DPYD: variants seen among roughly 807,000 people sequenced by gnomAD.
The protein encoded by DPYD is dihydropyrimidine dehydrogenase.
DPYD carries 109 observed loss-of-function variants against 116.2 expected under a neutral mutation model. That is an observed-to-expected ratio of 0.94 (90% CI 0.80 to 1.10). The LOEUF (loss-of-function observed/expected upper bound fraction) is 1.10, where lower values mean the gene tolerates loss of function less well. Ranked by LOEUF, DPYD falls within the 50% of genes least tolerant of loss-of-function variation. The pLI, the probability that DPYD is intolerant of heterozygous loss-of-function variation, is 0.00. For synonymous variants in DPYD, 440 were observed against 432.0 expected, an observed-to-expected ratio of 1.02 and a Z score of -0.23; for missense variants, 1,302 against 1,254.5, an observed-to-expected ratio of 1.04 and a Z score of -0.57.
At chr1:97,769,822 A>C (rs1258859690) in intron 3 of DPYD, among the ~76,000 whole-genome samples, 1 of 152,192 alleles carries the variant, frequency 6.6e-6, no homozygotes, top group South Asian at 2.1e-4. Context: ...TCCACTTCGG[A>C]AGTACCATTT....
At chr1:97,283,375 A>G (rs549407155) in intron 18 of DPYD, among the ~76,000 whole-genome samples, 3 of 152,140 alleles carry the variant, frequency 2.0e-5, no homozygotes, top group African/African-American at 4.8e-5. Flanking sequence ...TAGTTATTAT[A>G]ATTTTGAAAT....
intron 5 of DPYD, among the ~76,000 whole-genome samples, chr1:97,721,213 C>G (rs1408568869): frequency 1.3e-5 from 2 of 151,754 alleles, no homozygotes; most frequent in Non-Finnish European, 3.0e-5. Context: ...CCTTGCCATA[C>G]TTCCACATAA....
intron 19 of DPYD, among the ~76,000 whole-genome samples, chr1:97,231,703 C>G (rs1661598763): frequency 6.6e-6 from 1 of 152,252 alleles, no homozygotes; most frequent in South Asian, 2.1e-4. Flanking sequence ...CTTTTATCCT[C>G]CAAGCCTTAG....
At chr1:97,319,564 A>G (rs2101095273) in intron 16 of DPYD, among the ~76,000 whole-genome samples, 1 of 139,630 alleles carries the variant, frequency 7.2e-6, no homozygotes. Context: ...GACCAATAAC[A>G]GGCTCTGAAA....
At chr1:97,684,172 G>A (rs1660582337) in intron 7 of DPYD, among the ~76,000 whole-genome samples, 1 of 152,122 alleles carries the variant, frequency 6.6e-6, no homozygotes, top group Non-Finnish European at 1.5e-5. Flanking sequence ...GTGGCATTTA[G>A]CGCTGTAAAT....
chr1:97,149,965 G>A (rs1171882012), intron 20 of DPYD, among the ~76,000 whole-genome samples: 3 of 152,102 alleles, frequency 2.0e-5, no homozygotes, highest in Non-Finnish European at 4.4e-5. Flanking sequence ...CTTTGTCATG[G>A]TCAACGAGCC....
intron 13 of DPYD, among the ~76,000 whole-genome samples, chr1:97,459,416 C>A (rs912301305): frequency 1.3e-5 from 2 of 151,972 alleles, no homozygotes; most frequent in Non-Finnish European, 2.9e-5. Flanking sequence ...ATGAAGGACA[C>A]CAATTCTTAG....
intron 20 of DPYD, among the ~76,000 whole-genome samples, chr1:97,150,844 C>T (rs1041884969): frequency 2.0e-5 from 3 of 152,142 alleles, no homozygotes; most frequent in African/African-American, 7.2e-5. Context: ...AGAAACTACA[C>T]ACAAATAGAA....
chr1:97,458,376 T>C (rs1676818019), intron 13 of DPYD, among the ~76,000 whole-genome samples: 1 of 152,088 alleles, frequency 6.6e-6, no homozygotes, highest in Non-Finnish European at 1.5e-5. Flanking sequence ...CCTTGCAATA[T>C]AACACATATA....
chr1:97,622,387 A>C (rs1656681224), intron 8 of DPYD, among the ~76,000 whole-genome samples: 1 of 151,978 alleles, frequency 6.6e-6, no homozygotes, highest in Non-Finnish European at 1.5e-5. Flanking sequence ...GGAACATTCT[A>C]AAAAAATACT....
intron 20 of DPYD, among the ~76,000 whole-genome samples, chr1:97,119,439 G>A (rs759425656): frequency 3.3e-5 from 5 of 152,136 alleles, no homozygotes; most frequent in Non-Finnish European, 7.4e-5. Flanking sequence ...TGTGTGTGGT[G>A]GAGCAGGTGA....
intron 2 of DPYD, among the ~76,000 whole-genome samples, chr1:97,839,777 TCAC>T (rs1394183587): frequency 6.6e-6 from 1 of 152,130 alleles, no homozygotes; most frequent in Non-Finnish European, 1.5e-5. Flanking sequence ...ACTAGACAAT[TCAC>T]CACAAGTTTG....
intron 2 of DPYD, among the ~76,000 whole-genome samples, chr1:97,849,826 C>T (rs913608181): frequency 2.6e-5 from 4 of 152,054 alleles, no homozygotes; most frequent in Admixed American, 2.6e-4. Flanking sequence ...ACAATACTGG[C>T]CAATATTCCT....
chr1:97,870,631 T>C (rs1671609351), intron 2 of DPYD, among the ~76,000 whole-genome samples: 1 of 151,812 alleles, frequency 6.6e-6, no homozygotes, highest in South Asian at 2.1e-4. Flanking sequence ...AGCTCCTCAA[T>C]TCCTAATCAT....
chr1:97,746,412 CTG>C (rs1664556649), intron 3 of DPYD, among the ~76,000 whole-genome samples: 1 of 152,086 alleles, frequency 6.6e-6, no homozygotes, highest in Non-Finnish European at 1.5e-5. Context: ...GTACTTTGTG[CTG>C]TCTCACAAGC....
intron 8 of DPYD, among the ~76,000 whole-genome samples, chr1:97,609,955 G>A (rs542817120): frequency 1.3e-5 from 2 of 151,654 alleles, no homozygotes; most frequent in African/African-American, 4.8e-5. Flanking sequence ...TATCTTCTAA[G>A]CACTACTCAT....
intron 1 of DPYD, among the ~76,000 whole-genome samples, chr1:97,885,974 T>C (rs1672466303): frequency 1.3e-5 from 2 of 151,980 alleles, no homozygotes; most frequent in South Asian, 2.1e-4. Flanking sequence ...TCTGGAATGG[T>C]AGAGTAAGGA....
At chr1:97,684,495 G>T (rs1660607090) in intron 7 of DPYD, among the ~76,000 whole-genome samples, 1 of 151,358 alleles carries the variant, frequency 6.6e-6, no homozygotes, top group Non-Finnish European at 1.5e-5. Context: ...TCCAAGAGCG[G>T]AACTGAAGGA....
intron 8 of DPYD, among the ~76,000 whole-genome samples, chr1:97,624,705 G>T (rs550077413): frequency 3.9e-5 from 6 of 151,980 alleles, no homozygotes; most frequent in African/African-American, 1.4e-4. Flanking sequence ...CTAAACTTTA[G>T]AATCAAACTA....
Sources: gnomAD v4.1 joint callset for allele counts (sites outside exome capture counted in the v4.1 genomes callset) on GRCh38, gnomAD v4.1.1 for gene constraint, MANE v1.5 for transcripts, NCBI Gene and HGNC (gene_info 2026-07-23, HGNC 2026-07-21) for gene names.